Variants in COL22A1 observed in about 807,000 individuals in gnomAD.
COL22A1 encodes collagen alpha-1(XXII) chain.
COL22A1 carries 221 observed loss-of-function variants against 248.9 expected under a neutral mutation model. That is an observed-to-expected ratio of 0.89 (90% CI 0.80 to 0.99). COL22A1 has a LOEUF of 0.99. COL22A1 is among the 50% of genes least tolerant of loss of function. The pLI is 0.00. For synonymous variants in COL22A1, 891 were observed against 793.4 expected, an observed-to-expected ratio of 1.12 and a Z score of -2.07; for missense variants, 2,240 against 2,179.0, an observed-to-expected ratio of 1.03 and a Z score of -0.56.
intron 63 of COL22A1, among the ~76,000 whole-genome samples, chr8:138,593,461 T>C (rs552086076): frequency 6.6e-6 from 1 of 152,256 alleles, no homozygotes; most frequent in East Asian, 1.9e-4. Context: ...CTCTCTCACA[T>C]CTGTCTTCCT....
At chr8:138,684,226 T>C (rs1394731574) in intron 39 of COL22A1, among the ~76,000 whole-genome samples, 199 bp downstream of exon 39, 2 of 147,632 alleles carry the variant, frequency 1.4e-5, no homozygotes, top group Non-Finnish European at 3.0e-5. Flanking sequence ...ATCGCACCAC[T>C]GCACTCCAGC....
At chr8:138,742,214 ATGG>A (rs1222433722) in intron 22 of COL22A1, among the ~76,000 whole-genome samples, 1 of 137,866 alleles carries the variant, frequency 7.3e-6, no homozygotes, top group Non-Finnish European at 1.6e-5. Context: ...CGTGATGGTG[ATGG>A]TGGAGTTGAT....
intron 34 of COL22A1, 128 bp downstream of exon 34, chr8:138,694,380 G>A (rs1827327337): frequency 1.1e-6 from 1 of 945,826 alleles, no homozygotes; most frequent in Admixed American, 1.7e-5. Flanking sequence ...AGCACATTGG[G>A]GCTGCTCTGC....
intron 51 of COL22A1, 21 bp downstream of exon 51, chr8:138,626,169 G>A: frequency 6.4e-7 from 1 of 1,574,416 alleles, no homozygotes; most frequent in Non-Finnish European, 8.6e-7. Context: ...TTGTTTGTTT[G>A]TTTTTATAAA....
At chr8:138,892,480 C>G (rs2132116479) in intron 1 of COL22A1, among the ~76,000 whole-genome samples, 1 of 152,334 alleles carries the variant, frequency 6.6e-6, no homozygotes, top group Non-Finnish European at 1.5e-5. Context: ...TCCACACTCC[C>G]CAGCCCATCT....
chr8:138,873,527 C>T (rs770564812), intron 3 of COL22A1, among the ~76,000 whole-genome samples: 1 of 152,164 alleles, frequency 6.6e-6, no homozygotes, highest in Non-Finnish European at 1.5e-5. Context: ...ACAGACTTTG[C>T]CCTTGCGAAG....
At chr8:138,852,256 G>A (rs1168255231) in intron 3 of COL22A1, among the ~76,000 whole-genome samples, 2 of 152,046 alleles carry the variant, frequency 1.3e-5, no homozygotes, top group Admixed American at 6.5e-5. Context: ...TGGAGGCAAA[G>A]GCCAGCCAGG....
chr8:138,901,453 A>G (rs1296016250), intron 1 of COL22A1, among the ~76,000 whole-genome samples: 1 of 140,274 alleles, frequency 7.1e-6, no homozygotes, highest in African/African-American at 2.6e-5. Flanking sequence ...TGCAGCCTCT[A>G]CCTCCCAGGC....
chr8:138,869,360 C>T (rs1029238827), intron 3 of COL22A1, among the ~76,000 whole-genome samples: 5 of 152,176 alleles, frequency 3.3e-5, no homozygotes, highest in Admixed American at 6.5e-5. Context: ...GTGCAAGCTG[C>T]CCGGAGCCAA....
chr8:138,724,697 G>A, intron 24 of COL22A1, 29 bp from the exon 25 acceptor site: 1 of 1,606,668 alleles, frequency 6.2e-7, no homozygotes, highest in African/African-American at 1.3e-5. Context: ...GACCCTGTTA[G>A]CCTGGCCTGT....
chr8:138,755,443 C>T (rs1010232341), intron 20 of COL22A1, 39 bp downstream of exon 20: 4 of 1,601,990 alleles, frequency 2.5e-6, no homozygotes, highest in South Asian at 1.1e-5. Flanking sequence ...TCTGCTGTGA[C>T]CTAAATCCCC....
intron 3 of COL22A1, among the ~76,000 whole-genome samples, chr8:138,866,259 T>A (rs910986581): frequency 6.6e-5 from 10 of 152,172 alleles, no homozygotes; most frequent in African/African-American, 2.4e-4. Context: ...TAACCCCGTA[T>A]CCCTACTCAT....
intron 47 of COL22A1, among the ~76,000 whole-genome samples, chr8:138,642,928 C>T (rs1042170844): frequency 6.6e-6 from 1 of 151,544 alleles, no homozygotes; most frequent in Non-Finnish European, 1.5e-5. Context: ...ACTCAGGGGG[C>T]TGAGGCAGGA....
chr8:138,852,283 C>T (rs879273664), intron 3 of COL22A1, among the ~76,000 whole-genome samples: 9 of 151,136 alleles, frequency 6.0e-5, no homozygotes, highest in Non-Finnish European at 1.0e-4. Context: ...CCACAGTGGT[C>T]GGGGGGAAGG....
At chr8:138,620,552 C>G (rs1402432272) in intron 52 of COL22A1, 3 of 152,226 alleles carry the variant, frequency 2.0e-5, no homozygotes, top group Non-Finnish European at 4.4e-5. Context: ...GGACAGTCCT[C>G]CCTTGTAGGT....
At chr8:138,873,332 TC>T (rs145110309) in intron 3 of COL22A1, among the ~76,000 whole-genome samples, 1 of 152,208 alleles carries the variant, frequency 6.6e-6, no homozygotes, top group African/African-American at 2.4e-5. Context: ...GTTCTTATAT[TC>T]TTTTCTTTGG....
intron 64 of COL22A1, among the ~76,000 whole-genome samples, chr8:138,590,510 T>A (rs545731976): frequency 4.6e-5 from 7 of 152,162 alleles, no homozygotes; most frequent in Non-Finnish European, 1.0e-4. Context: ...TGTAAGCTAT[T>A]TGAAAATAGG....
intron 35 of COL22A1, 45 bp from the exon 36 acceptor site, chr8:138,690,919 A>G: frequency 4.0e-6 from 6 of 1,518,832 alleles, no homozygotes; most frequent in Non-Finnish European, 5.4e-6. Context: ...CATTGATTAG[A>G]AGTAGTTGCC....
chr8:138,741,843 G>A (rs781451414), intron 22 of COL22A1, among the ~76,000 whole-genome samples: 8 of 152,214 alleles, frequency 5.3e-5, no homozygotes, highest in Admixed American at 6.5e-5. Context: ...TAATAATGGT[G>A]GTGGTGGCGG....
Sources: allele counts gnomAD v4.1 joint callset (sites outside exome capture counted in the v4.1 genomes callset), GRCh38; gene constraint gnomAD v4.1.1; transcripts MANE v1.5; gene names NCBI Gene and HGNC (gene_info 2026-07-23, HGNC 2026-07-21).